Variants in RTTN observed in about 807,000 individuals in gnomAD.
RTTN encodes the protein rotatin.
RTTN carries 182 observed loss-of-function variants against 269.2 expected under a neutral mutation model. That is an observed-to-expected ratio of 0.68 (90% CI 0.60 to 0.76). RTTN has a LOEUF of 0.76. Ranked by LOEUF, RTTN falls within the 30% of genes least tolerant of loss-of-function variation. The pLI is 0.00. For missense variants in RTTN, 2,545 were observed against 2,608.6 expected, an observed-to-expected ratio of 0.98 and a Z score of 0.53; for synonymous variants, 1,006 against 963.5, an observed-to-expected ratio of 1.04 and a Z score of -0.82.
intron 32 of RTTN, among the ~76,000 whole-genome samples, chr18:70,081,277 T>G (rs983498959): frequency 1.3e-5 from 2 of 151,854 alleles, no homozygotes; most frequent in Admixed American, 1.3e-4. Flanking sequence ...ACTAAAGAAC[T>G]TACTCATGTA....
intron 18 of RTTN, among the ~76,000 whole-genome samples, chr18:70,143,188 C>T (rs2060303118): frequency 6.6e-6 from 1 of 152,090 alleles, no homozygotes; most frequent in Non-Finnish European, 1.5e-5. Context: ...TGTCCTTTGT[C>T]CACTTTTTAA....
rs1599592427 is a variant in RTTN, at chr18:70,109,415, G to C, written c.3903+83C>G. The C allele has an allele frequency of 3.6e-5, 33 of 926,216 alleles. No homozygotes were observed. In the East Asian group the frequency reaches 7.7e-4, roughly 22 times the overall value. The allele number at this position is 926,216 out of a possible 1,614,324, so 57.4% of individuals were successfully genotyped here. A position where few individuals can be genotyped will look rare whatever the true frequency, so the allele number is the denominator to read the frequency against. On this transcript the variant is annotated intron_variant, in intron 28 of 48. Coordinates refer to ENST00000640769, the MANE Select transcript of RTTN (RefSeq NM_173630.4). ...AATGTATAATATTCTACATTGAATA[G>C]AGTAACGTATAATGCACTTGTGGCC...
At chr18:70,023,465 C>T (rs993502728) in intron 44 of RTTN, among the ~76,000 whole-genome samples, 1 of 152,186 alleles carries the variant, frequency 6.6e-6, no homozygotes, top group South Asian at 2.1e-4. Flanking sequence ...CAAGACCAAA[C>T]AGAACTCTTG....
intron 27 of RTTN, among the ~76,000 whole-genome samples, chr18:70,110,855 TG>T (rs921835367): frequency 6.6e-6 from 1 of 152,210 alleles, no homozygotes; most frequent in African/African-American, 2.4e-5. Context: ...GAGATTGACC[TG>T]GGACGCTAGA....
In RTTN at chr18:70,176,855, T is replaced by C. The variant is rs1568518334; in HGVS notation, c.1306-10A>G. 6.2e-7 allele frequency: 1 copy of C among 1,611,020 alleles called. No homozygotes were observed. The highest frequency in any genetic ancestry group is 8.5e-7 in the Non-Finnish European group (1 of 1,178,354). ...GGAGTAGTTTCTCCTTCTGAAAACA[T>C]TTACACAACATGAAACAGAAGAAAA... On this transcript the variant is annotated splice_polypyrimidine_tract_variant and intron_variant, in intron 10 of 48. Transcript: ENST00000640769.
At chr18:70,151,494 CT>C (rs931998973) in intron 14 of RTTN, among the ~76,000 whole-genome samples, 2 of 152,018 alleles carry the variant, frequency 1.3e-5, no homozygotes, top group Non-Finnish European at 2.9e-5. Context: ...ATGAATACTA[CT>C]TTTTTTCATT....
intron 32 of RTTN, among the ~76,000 whole-genome samples, chr18:70,080,870 T>C (rs749044083): frequency 2.6e-5 from 4 of 151,700 alleles, no homozygotes; most frequent in African/African-American, 4.8e-5. Context: ...ATTGCAAAAA[T>C]GTAGAACCAA....
At chr18:70,195,456 G>C (rs1416857414) in intron 7 of RTTN, among the ~76,000 whole-genome samples, 3 of 150,850 alleles carry the variant, frequency 2.0e-5, no homozygotes, top group Admixed American at 6.6e-5. Flanking sequence ...GAAGCTTTCT[G>C]AGGGACTTTC....
chr18:70,046,865 A>G (rs1389469663), intron 40 of RTTN, among the ~76,000 whole-genome samples: 1 of 152,202 alleles, frequency 6.6e-6, no homozygotes, highest in Admixed American at 6.5e-5. Flanking sequence ...CAAGGGAGAC[A>G]AAGTCCCCTG....
At chr18:70,166,821 CAA>C (rs1222103722) in intron 13 of RTTN, 96 bp downstream of exon 13, 17 of 752,584 alleles carry the variant, frequency 2.3e-5, no homozygotes, top group Non-Finnish European at 3.2e-5. Context: ...AAAATAATAA[CAA>C]AGATATACAG....
rs148121315 is a variant in RTTN, at chr18:70,041,817, C to A, written c.5541+6154G>T. 1.6e-3 allele frequency among the ~76,000 whole-genome samples: 236 copies of A among 152,180 alleles called. 2 individuals carry two copies. Among genetic ancestry groups the A allele is most frequent in the African/African-American group, 5.5e-3 (227 of 41,528 alleles). ...TAAATTCTGAGACCTCAGCTGTCGTCTCCTACTTGGCTACATAACATTTGG... is the reference window on the plus strand; with the variant it reads ...TAAATTCTGAGACCTCAGCTGTCGTATCCTACTTGGCTACATAACATTTGG... On this transcript the variant is annotated intron_variant, in intron 40 of 48. Transcript: ENST00000640769.
At chr18:70,179,844 C>A (rs773115516) in intron 10 of RTTN, among the ~76,000 whole-genome samples, 111 of 152,292 alleles carry the variant, frequency 7.3e-4, no homozygotes, top group Non-Finnish European at 1.3e-3. Context: ...TGCAGCCAGT[C>A]ACGGTTCCTC....
At chr18:70,067,468 A>G (rs960835988) in intron 34 of RTTN, among the ~76,000 whole-genome samples, 2 of 152,186 alleles carry the variant, frequency 1.3e-5, no homozygotes, top group African/African-American at 4.8e-5. Flanking sequence ...AAGCTTGTTT[A>G]TTTTTAAAAA....
Position 70,057,901 on chromosome 18 carries a change from G to T in RTTN, c.4941-69C>A, listed in dbSNP as rs996212220. 7.1e-6 allele frequency: 8 copies of T among 1,124,506 alleles called. No homozygotes were observed. The African/African-American group carries it at 1.2e-4, about 18-fold the overall frequency. 69.7% of individuals were successfully genotyped at this position (1,124,506 alleles called of 1,614,324 possible). A position where few individuals can be genotyped will look rare whatever the true frequency, so the allele number is the denominator to read the frequency against. On this transcript the variant is annotated intron_variant, in intron 36 of 48. Coordinates refer to ENST00000640769, the MANE Select transcript of RTTN (RefSeq NM_173630.4). ...CTTTTTATTAAAGATTAAGAAATCA[G>T]AATTTGAAGTTTAAAGGTAACTCGA...
At position 70,196,608 on chromosome 18, in the gene RTTN, T is replaced by C. The variant is rs17082206; in HGVS notation, c.734A>G (p.Lys245Arg). The change falls in exon 7 of 49, where the codon AAG (lysine) becomes AGG (arginine). Residue 245 changes from lysine to arginine, a missense_variant. Coordinates refer to ENST00000640769, the MANE Select transcript of RTTN (RefSeq NM_173630.4). ...SLLKLAFGDG[K>R]HRLALQSVSC... Reference sequence around the variant, plus strand: ...CACCGACTGTAATGCCAGGCGATGCTTTCCATCTCCAAAGGCCAGTTTCAA... The same window carrying C: ...CACCGACTGTAATGCCAGGCGATGCCTTCCATCTCCAAAGGCCAGTTTCAA... The C allele has an allele frequency of 0.04, 59,689 of 1,485,518 alleles. 2,717 individuals carry two copies. The highest frequency in any genetic ancestry group is 0.28 in the African/African-American group (16,404 of 57,658). The allele number at this position is 1,485,518 out of a possible 1,614,324, so 92.0% of individuals were successfully genotyped here.
intron 36 of RTTN, among the ~76,000 whole-genome samples, chr18:70,058,182 T>C (rs375965219): frequency 2.0e-5 from 3 of 152,170 alleles, no homozygotes; most frequent in African/African-American, 7.2e-5. Flanking sequence ...CTGGCTAAAA[T>C]AGCAAGAACA....
At chr18:70,123,313 A>G (rs1164728837) in intron 25 of RTTN, among the ~76,000 whole-genome samples, 1 of 152,116 alleles carries the variant, frequency 6.6e-6, no homozygotes, top group Non-Finnish European at 1.5e-5. Context: ...TAACATACCA[A>G]TCACCTCAAA....
intron 28 of RTTN, among the ~76,000 whole-genome samples, chr18:70,096,467 C>T (rs150316082): frequency 0.013 from 1,952 of 152,166 alleles, 36 homozygotes; most frequent in African/African-American, 0.043. Flanking sequence ...TGTTGGTGAC[C>T]TTTGGATGGG....
chr18:70,160,993 C>T (rs528464253), intron 14 of RTTN, among the ~76,000 whole-genome samples: 2 of 152,168 alleles, frequency 1.3e-5, no homozygotes, highest in Non-Finnish European at 2.9e-5. Flanking sequence ...TTAGAAAAAA[C>T]CATTCTAAAA....
Sources: allele counts gnomAD v4.1 joint callset (sites outside exome capture counted in the v4.1 genomes callset), GRCh38; gene constraint gnomAD v4.1.1; transcripts MANE v1.5; gene names NCBI Gene and HGNC (gene_info 2026-07-23, HGNC 2026-07-21).